The following TAS2R1 variants were observed in gnomAD, a reference collection of about 807,000 sequenced individuals.
TAS2R1 encodes the protein taste receptor type 2 member 1.
For missense variants in TAS2R1, 370 were observed against 353.4 expected (o/e 1.05, Z -0.38); for synonymous variants, 141 against 134.2 (o/e 1.05, Z -0.35).
the TAS2R1 span, among the ~76,000 whole-genome samples, chr5:9,757,917 AT>A: frequency 0.25 from 37,130 of 151,374 alleles, 5,151 homozygotes; most frequent in Middle Eastern, 0.4. Flanking sequence ...TATTTTTTTC[AT>A]GAGAAAAACA....
the TAS2R1 span, among the ~76,000 whole-genome samples, chr5:9,733,843 T>A: frequency 3.3e-5 from 5 of 151,988 alleles, no homozygotes; most frequent in South Asian, 4.2e-4. Flanking sequence ...AAAAAAAAAA[T>A]TCTAAAAATT....
At chr5:9,768,755 A>G in the TAS2R1 span, among the ~76,000 whole-genome samples, 1 of 152,238 alleles carries the variant, frequency 6.6e-6, no homozygotes, top group Non-Finnish European at 1.5e-5. Context: ...AAACATGTTG[A>G]CTAATTGCTT....
At chr5:9,663,085 T>C (rs1414481031) in intron 1 of TAS2R1, among the ~76,000 whole-genome samples, 3 of 151,644 alleles carry the variant, frequency 2.0e-5, no homozygotes, top group African/African-American at 7.2e-5. Context: ...AATTCTACGT[T>C]ATATTTGCAT....
At chr5:9,842,209 T>C in the TAS2R1 span, among the ~76,000 whole-genome samples, 3 of 152,166 alleles carry the variant, frequency 2.0e-5, no homozygotes, top group East Asian at 3.8e-4. Context: ...TAATTTTTTA[T>C]TGAAAGTCAG....
rs941345041 is a variant in TAS2R1, at chr5:9,710,798, CATTA to C, written c.-242+1370_-242+1373del. Among the ~76,000 whole-genome samples, 10 of 150,964 alleles carry C rather than the reference CATTA, an allele frequency of 6.6e-5. No individual in the cohort carries two copies. In the Admixed American group the frequency reaches 6.6e-4, roughly 10 times the overall value. On this transcript the variant is annotated intron_variant, in intron 1 of 2. Transcript: ENST00000506620. ...AAGTATATGAAAAGATGCTCAACAT[CATTA>C]ATTATTAAGGCAATGCAAATCAAAA...
chr5:9,828,725 A>T, the TAS2R1 span, among the ~76,000 whole-genome samples: 1 of 152,214 alleles, frequency 6.6e-6, no homozygotes, highest in African/African-American at 2.4e-5. Context: ...GAGATAACTT[A>T]TTCTGAATGA....
chr5:9,787,890 C>A, the TAS2R1 span, among the ~76,000 whole-genome samples: 2 of 152,216 alleles, frequency 1.3e-5, no homozygotes, highest in Non-Finnish European at 2.9e-5. Context: ...TTGTGTGGCA[C>A]TTTGAATTAG....
the TAS2R1 span, among the ~76,000 whole-genome samples, chr5:9,811,128 A>G: frequency 6.6e-6 from 1 of 152,146 alleles, no homozygotes; most frequent in Non-Finnish European, 1.5e-5. Context: ...GTCCTCATAA[A>G]CATGATTTGT....
chr5:9,853,564 C>T, the TAS2R1 span, among the ~76,000 whole-genome samples: 1 of 152,112 alleles, frequency 6.6e-6, no homozygotes, highest in East Asian at 1.9e-4. Context: ...TGGAGAGGTA[C>T]TTTGGGTGCC....
chr5:9,893,199 T>C, the TAS2R1 span, among the ~76,000 whole-genome samples: 1 of 149,910 alleles, frequency 6.7e-6, no homozygotes, highest in Non-Finnish European at 1.5e-5. Context: ...GATGTCTTGG[T>C]TGCCCCAGCT....
the TAS2R1 span, among the ~76,000 whole-genome samples, chr5:9,790,584 T>A: frequency 6.6e-6 from 1 of 152,194 alleles, no homozygotes; most frequent in African/African-American, 2.4e-5. Flanking sequence ...TACAATTAAA[T>A]ACAGCATTGT....
At chr5:9,672,751 AG>A in intron 1 of TAS2R1, among the ~76,000 whole-genome samples, 1 of 152,238 alleles carries the variant, frequency 6.6e-6, no homozygotes, top group Admixed American at 6.5e-5. Context: ...ATCTTTGAAA[AG>A]TTCAAAAGAA....
At chr5:9,702,320 A>G (rs1741505169) in intron 1 of TAS2R1, among the ~76,000 whole-genome samples, 1 of 152,196 alleles carries the variant, frequency 6.6e-6, no homozygotes, top group African/African-American at 2.4e-5. Flanking sequence ...ACCCGCCCTC[A>G]GGACATTTGT....
At chr5:9,894,134 G>A in the TAS2R1 span, among the ~76,000 whole-genome samples, 2 of 152,160 alleles carry the variant, frequency 1.3e-5, no homozygotes, top group African/African-American at 2.4e-5. Flanking sequence ...CAGACGTGGT[G>A]GCTCACGCCT....
At chr5:9,782,241 G>A in the TAS2R1 span, among the ~76,000 whole-genome samples, 1 of 152,218 alleles carries the variant, frequency 6.6e-6, no homozygotes, top group Non-Finnish European at 1.5e-5. Context: ...GGAGATGAAA[G>A]AGAGGCCAAT....
chr5:9,794,696 CTG>C, the TAS2R1 span, among the ~76,000 whole-genome samples: 1 of 152,194 alleles, frequency 6.6e-6, no homozygotes, highest in Admixed American at 6.5e-5. Flanking sequence ...TAAGTCTTAA[CTG>C]TTATATACCT....
chr5:9,650,366 A>G (rs1740279153), intron 2 of TAS2R1, among the ~76,000 whole-genome samples: 1 of 152,076 alleles, frequency 6.6e-6, no homozygotes, highest in African/African-American at 2.4e-5. Context: ...GGTGGGCACA[A>G]TAAAAACTGT....
At chr5:9,786,710 G>T in the TAS2R1 span, among the ~76,000 whole-genome samples, 9 of 152,192 alleles carry the variant, frequency 5.9e-5, no homozygotes, top group East Asian at 7.7e-4. Context: ...AGATTTGAGG[G>T]GAAAGCATTA....
intron 1 of TAS2R1, among the ~76,000 whole-genome samples, chr5:9,695,534 A>G (rs79838068): frequency 0.047 from 7,140 of 152,174 alleles, 533 homozygotes; most frequent in African/African-American, 0.16. Context: ...CATTTTGAAG[A>G]TCTGAAGATG....
Sources: gnomAD v4.1 joint callset for allele counts (sites outside exome capture counted in the v4.1 genomes callset) on GRCh38, gnomAD v4.1.1 for gene constraint, MANE v1.5 for transcripts, NCBI Gene and HGNC (gene_info 2026-07-23, HGNC 2026-07-21) for gene names.